Variants in NEGR1 observed in about 807,000 individuals in gnomAD.
The protein encoded by NEGR1 is IgLON family member 4.
In NEGR1, 10 loss-of-function variants were observed where a neutral mutation model predicts 40.9. That is an observed-to-expected ratio of 0.24 (90% CI 0.15 to 0.42). The LOEUF (loss-of-function observed/expected upper bound fraction) is 0.42. Ranked by LOEUF, NEGR1 falls within the 10% of genes least tolerant of loss-of-function variation. The pLI, the probability that NEGR1 is intolerant of heterozygous loss-of-function variation, is 1.00. For missense variants in NEGR1, 352 were observed against 438.9 expected (o/e 0.80, Z 1.77); for synonymous variants, 185 against 166.8 (o/e 1.11, Z -0.84).
chr1:71,962,497 T>C (rs1646173662), intron 1 of NEGR1, among the ~76,000 whole-genome samples: 1 of 152,022 alleles, frequency 6.6e-6, no homozygotes, highest in East Asian at 1.9e-4. Context: ...AGTGGTCAGA[T>C]TGTGTAAGTG....
chr1:71,827,973 G>T (rs1658699379), intron 2 of NEGR1, among the ~76,000 whole-genome samples: 1 of 151,904 alleles, frequency 6.6e-6, no homozygotes, highest in Admixed American at 6.6e-5. Flanking sequence ...TATAGATTCT[G>T]AAAGAATTCA....
At chr1:71,980,744 C>G (rs1480165350) in intron 1 of NEGR1, among the ~76,000 whole-genome samples, 2 of 152,130 alleles carry the variant, frequency 1.3e-5, no homozygotes. Context: ...GCGCAAAGCT[C>G]AAACTCTCTA....
intron 2 of NEGR1, among the ~76,000 whole-genome samples, chr1:71,934,510 A>T (rs2768396): frequency 1.3e-5 from 2 of 152,134 alleles, no homozygotes; most frequent in Non-Finnish European, 2.9e-5. Flanking sequence ...ATCAAAGTAA[A>T]CAGAGGTTGG....
chr1:71,590,777 G>C (rs1409742731), intron 6 of NEGR1, among the ~76,000 whole-genome samples: 1 of 152,080 alleles, frequency 6.6e-6, no homozygotes, highest in Non-Finnish European at 1.5e-5. Context: ...CAGTCATATT[G>C]CCTTGTATCT....
chr1:71,690,575 CA>C (rs1653232849), intron 4 of NEGR1, among the ~76,000 whole-genome samples: 3 of 145,004 alleles, frequency 2.1e-5, no homozygotes, highest in African/African-American at 7.7e-5. Context: ...AACACACACA[CA>C]CACACACACA....
intron 1 of NEGR1, among the ~76,000 whole-genome samples, chr1:72,031,372 C>T (rs1042574023): frequency 6.6e-6 from 1 of 152,216 alleles, no homozygotes; most frequent in East Asian, 1.9e-4. Flanking sequence ...CCCCACTTTA[C>T]TCAGGTGCCA....
intron 6 of NEGR1, among the ~76,000 whole-genome samples, chr1:71,453,676 GAAATACAAGC>G: frequency 6.6e-6 from 1 of 152,136 alleles, no homozygotes; most frequent in Non-Finnish European, 1.5e-5. Context: ...GTAGGGAAAA[GAAATACAAGC>G]AAGTGCTATT....
intron 1 of NEGR1, among the ~76,000 whole-genome samples, chr1:71,995,134 C>G (rs754100830): frequency 1.4e-4 from 22 of 152,012 alleles, no homozygotes; most frequent in Non-Finnish European, 2.9e-4. Flanking sequence ...TTTACCCACA[C>G]AGAAAATTTT....
intron 3 of NEGR1, among the ~76,000 whole-genome samples, chr1:71,744,303 A>ATATATAT (rs71070900): frequency 1.4e-5 from 2 of 147,762 alleles, no homozygotes; most frequent in African/African-American, 2.5e-5. Context: ...ATATATATAT[A>ATATATAT]AAGTGCTTGG....
chr1:72,103,975 A>G (rs1569969654), intron 1 of NEGR1, among the ~76,000 whole-genome samples: 1 of 152,264 alleles, frequency 6.6e-6, no homozygotes, highest in Admixed American at 6.5e-5. Flanking sequence ...TATAAAATCC[A>G]TATGTTTTGG....
At chr1:71,884,515 T>C (rs958675735) in intron 2 of NEGR1, among the ~76,000 whole-genome samples, 10 of 152,218 alleles carry the variant, frequency 6.6e-5, no homozygotes, top group Non-Finnish European at 8.8e-5. Flanking sequence ...ATTATTAAAA[T>C]TACAGAATTT....
intron 6 of NEGR1, among the ~76,000 whole-genome samples, chr1:71,510,052 T>A (rs1647062324): frequency 6.6e-6 from 1 of 152,206 alleles, no homozygotes; most frequent in Admixed American, 6.5e-5. Flanking sequence ...GCCAATGAAC[T>A]GGCAGAAAAT....
chr1:71,877,724 T>A lies in NEGR1; in HGVS notation c.409+57355A>T, dbSNP rs114064213. On this transcript the variant is annotated intron_variant, in intron 2 of 6. Coordinates refer to ENST00000357731, the MANE Select transcript of NEGR1 (RefSeq NM_173808.3). ...TTAGCTGTGGTTTTAATTGTATTAT[T>A]TATACATTTTATAATAAATACACAT... Among the ~76,000 whole-genome samples, 894 of 152,236 alleles carry A rather than the reference T, an allele frequency of 5.9e-3. 2 individuals are homozygous for A. Among genetic ancestry groups the A allele is most frequent in the Non-Finnish European group, 1.0e-2 (677 of 68,014 alleles).
At chr1:71,730,855 G>A (rs1654837431) in intron 3 of NEGR1, among the ~76,000 whole-genome samples, 10 of 149,418 alleles carry the variant, frequency 6.7e-5, no homozygotes, top group Admixed American at 6.0e-4. Flanking sequence ...AGGGACATAT[G>A]CTACTGGTGT....
chr1:72,043,712 C>T (rs1171450553), intron 1 of NEGR1, among the ~76,000 whole-genome samples: 1 of 151,816 alleles, frequency 6.6e-6, no homozygotes, highest in East Asian at 1.9e-4. Flanking sequence ...AGTTTTCCAT[C>T]ATGATCGAAA....
intron 1 of NEGR1, among the ~76,000 whole-genome samples, chr1:71,994,936 G>A (rs566103560): frequency 7.0e-6 from 1 of 143,802 alleles, no homozygotes; most frequent in Non-Finnish European, 1.5e-5. Flanking sequence ...GCATCAGTAT[G>A]CCAGGATGTA....
Position 71,913,178 on chromosome 1 carries a change from C to T in NEGR1, c.409+21901G>A, listed in dbSNP as rs2912235. On this transcript the variant is annotated intron_variant, in intron 2 of 6. Transcript: ENST00000357731. ...TCACCCAGGCTGGAGTGCAGTGGCGCGATCTCAGCTCACTGCAACCTCCAC... is the reference window on the plus strand; with the variant it reads ...TCACCCAGGCTGGAGTGCAGTGGCGTGATCTCAGCTCACTGCAACCTCCAC... Among the ~76,000 whole-genome samples the T allele has an allele frequency of 3.1e-3, 466 of 152,202 alleles. 2 individuals carry two copies. The highest frequency in any genetic ancestry group is 0.01 in the African/African-American group (431 of 41,532).
chr1:71,705,093 T>G (rs1653841873), intron 3 of NEGR1, among the ~76,000 whole-genome samples: 1 of 152,100 alleles, frequency 6.6e-6, no homozygotes, highest in African/African-American at 2.4e-5. Context: ...AAATTGAGAT[T>G]GAGGAGAATT....
intron 1 of NEGR1, among the ~76,000 whole-genome samples, chr1:71,947,253 T>C (rs997091543): frequency 1.3e-5 from 2 of 151,306 alleles, no homozygotes; most frequent in East Asian, 1.9e-4. Flanking sequence ...TCTAGATACA[T>C]GGAAAAACTT....
Sources: allele counts gnomAD v4.1 joint callset (sites outside exome capture counted in the v4.1 genomes callset), GRCh38; gene constraint gnomAD v4.1.1; transcripts MANE v1.5; gene names NCBI Gene and HGNC (gene_info 2026-07-23, HGNC 2026-07-21).